Variants in MON2 observed in about 807,000 individuals in gnomAD.
The protein encoded by MON2 is protein MON2 homolog.
MON2 carries 84 observed loss-of-function variants against 208.6 expected under a neutral mutation model. The observed-to-expected ratio is 0.40, with a 90% CI of 0.34 to 0.48. MON2 has a LOEUF of 0.48. MON2 is among the 20% of genes least tolerant of loss of function. The pLI, the probability that MON2 is intolerant of heterozygous loss-of-function variation, is 0.59. For synonymous variants in MON2, 660 were observed against 694.0 expected (o/e 0.95, Z 0.77); for missense variants, 1,611 against 2,015.4 (o/e 0.80, Z 3.84).
chr12:62,585,091 ACACACACACACACACAC>A (rs2075159563), intron 32 of MON2, among the ~76,000 whole-genome samples, 186 bp from the exon 33 acceptor site: 4 of 114,034 alleles, frequency 3.5e-5, no homozygotes, highest in African/African-American at 1.5e-4. Context: ...ACACACACAC[ACACACACACACACACAC>A]ACAAAACAAA....
At chr12:62,524,385 A>T (rs1033004400) in intron 8 of MON2, 130 bp from the exon 9 acceptor site, 5 of 667,398 alleles carry the variant, frequency 7.5e-6, no homozygotes, top group Non-Finnish European at 1.3e-5. Context: ...TCCACTCCCC[A>T]TTAAGAGTTT....
chr12:62,538,261 A>G lies in MON2; in HGVS notation c.2209A>G (p.Thr737Ala), dbSNP rs761897903. The G allele has an allele frequency of 1.9e-6, 3 of 1,613,482 alleles. No homozygotes were observed. Among genetic ancestry groups the G allele is most frequent in the East Asian group, 4.5e-5 (2 of 44,848 alleles). The change falls in exon 18 of 35, where the codon ACA becomes GCA. Residue 737 changes from threonine (T) to alanine (A), a missense_variant. Thr to Ala is a moderately conservative substitution (Grantham distance 58, BLOSUM62 0). Coordinates refer to ENST00000393630, the MANE Select transcript of MON2 (RefSeq NM_015026.3). ...ATTTTATTCTTCTCAGGTTCTAACA[A>G]CAGCAGTGATGACAGATTTACCAGT... Reference protein sequence around the residue: ...AVEGPSTVLTTAVMTDLPVIS... With the variant: ...AVEGPSTVLTAAVMTDLPVIS...
chr12:62,487,509 A>G (rs2069873136), intron 2 of MON2, among the ~76,000 whole-genome samples: 1 of 152,028 alleles, frequency 6.6e-6, no homozygotes, highest in Non-Finnish European at 1.5e-5. Context: ...TTACATAAAT[A>G]ATCAGTAGTT....
chr12:62,544,733 G>A (rs1156753901), intron 20 of MON2, 165 bp from the exon 21 acceptor site: 1 of 1,512,600 alleles, frequency 6.6e-7, no homozygotes, highest in South Asian at 1.2e-5. Flanking sequence ...TTTTTCTTCT[G>A]TCTCTCTATT....
chr12:62,600,046 C>T lies in MON2; in HGVS notation c.*7297C>T, dbSNP rs2075594422. ...AGTCTGGGGCCAGGCTTCTTAGATG[C>T]AAATCCCAACTCTGTTATTTTACTA... is the stretch of plus-strand genomic sequence containing the variant. On this transcript the variant is annotated 3_prime_UTR_variant, in exon 35 of 35. Transcript: ENST00000393630. 1 of 152,178 alleles carries T rather than the reference C, an allele frequency of 6.6e-6. No homozygotes were observed. The highest frequency in any genetic ancestry group is 2.1e-4 in the South Asian group (1 of 4,826). The allele number at this position is 152,178 out of a possible 1,614,324, so 9.4% of individuals were successfully genotyped here.
Position 62,537,235 on chromosome 12 carries a change from T to A in MON2, c.1985T>A (p.Leu662Ter). ...HQQVVAVGQPLAVQPQGTVML... is the reference protein window; with the variant it reads ...HQQVVAVGQP ...CAAGTTGTGGCAGTGGGTCAACCTT[T>A]AGCAGTCCAGCCTCAAGGGACAGTA... Residue 662 changes from leucine (L) to a stop codon, truncating the protein, a stop_gained, in exon 15 of 35, where the codon TTA becomes TAA. Transcript: ENST00000393630. LOFTEE classifies it high-confidence loss of function. 1.2e-6 allele frequency: 2 copies of A among 1,611,768 alleles called. No individual in the cohort carries two copies. The highest frequency in any genetic ancestry group is 1.7e-6 in the Non-Finnish European group (2 of 1,178,042).
intron 34 of MON2, among the ~76,000 whole-genome samples, chr12:62,591,240 G>T (rs1490217915): frequency 2.0e-5 from 3 of 152,180 alleles, no homozygotes; most frequent in Non-Finnish European, 4.4e-5. Context: ...AATGAAATGT[G>T]ATGTGAATTC....
At chr12:62,500,283 T>C (rs2070758300) in intron 5 of MON2, among the ~76,000 whole-genome samples, 1 of 152,196 alleles carries the variant, frequency 6.6e-6, no homozygotes, top group African/African-American at 2.4e-5. Flanking sequence ...TTACTAGTAG[T>C]TAAAGAAATG....
intron 29 of MON2, among the ~76,000 whole-genome samples, chr12:62,568,163 A>C (rs1016890540): frequency 6.6e-6 from 1 of 152,206 alleles, no homozygotes; most frequent in Non-Finnish European, 1.5e-5. Flanking sequence ...TATTATAGGT[A>C]AATTAAGCCG....
At chr12:62,577,852 C>T (rs2074848988) in intron 30 of MON2, among the ~76,000 whole-genome samples, 1 of 152,078 alleles carries the variant, frequency 6.6e-6, no homozygotes, top group South Asian at 2.1e-4. Context: ...TTACTGTTCA[C>T]TCTTATGAGC....
At chr12:62,500,762 C>T in intron 5 of MON2, 21 bp from the exon 6 acceptor site, 1 of 1,313,144 alleles carries the variant, frequency 7.6e-7, no homozygotes, top group Non-Finnish European at 1.1e-6. Flanking sequence ...ACTCCTAAAA[C>T]CCATCCTGTT....
At chr12:62,492,419 C>T (rs1471028188) in intron 2 of MON2, among the ~76,000 whole-genome samples, 9 of 134,604 alleles carry the variant, frequency 6.7e-5, no homozygotes, top group Non-Finnish European at 1.1e-4. Context: ...GGCCGGACTG[C>T]GGACTGCGGT....
rs71450586 is a variant in MON2, at chr12:62,504,245, C to CTTT, written c.789+2562_789+2564dup. ...TTTACAGATTTTTTTCTTTTCTTTT[C>CTTT]TTTTTTTTTTTTTTTTTGAGACAGC... is the stretch of plus-strand genomic sequence containing the variant. On this transcript the variant is annotated intron_variant, in intron 7 of 34. Transcript: ENST00000393630. 2.1e-3 allele frequency among the ~76,000 whole-genome samples: 244 copies of CTTT among 118,598 alleles called. 1 individual carries two copies. Among genetic ancestry groups the CTTT allele is most frequent in the Middle Eastern group, 8.8e-3 (2 of 228 alleles). 77.8% of individuals were successfully genotyped at this position (118,598 alleles called of 152,430 possible). A position where few individuals can be genotyped will look rare whatever the true frequency, so the allele number is the denominator to read the frequency against.
At chr12:62,476,841 C>T (rs1289657457) in intron 1 of MON2, among the ~76,000 whole-genome samples, 6 of 151,992 alleles carry the variant, frequency 3.9e-5, no homozygotes, top group Non-Finnish European at 7.4e-5. Flanking sequence ...TCATAGAAGT[C>T]GTGAAAAACA....
At chr12:62,474,133 T>C (rs1256864137) in intron 1 of MON2, among the ~76,000 whole-genome samples, 2 of 151,204 alleles carry the variant, frequency 1.3e-5, no homozygotes, top group Non-Finnish European at 3.0e-5. Context: ...TTTTTTTTTT[T>C]CTGAGACAAA....
intron 11 of MON2, among the ~76,000 whole-genome samples, chr12:62,530,739 T>C (rs2072596147): frequency 6.6e-6 from 1 of 152,234 alleles, no homozygotes. Context: ...TCATTTCTGT[T>C]GGGTATACAA....
Position 62,560,877 on chromosome 12 carries a change from T to G in MON2, c.3796T>G (p.Phe1266Val). Residue 1266 changes from phenylalanine (F) to valine (V), a missense_variant, in exon 26 of 35, where the codon TTT becomes GTT. Coordinates refer to ENST00000393630, the MANE Select transcript of MON2 (RefSeq NM_015026.3). ...KPPITFDKLT[F>V]IPSQPFLTAL... ...TCCTATTACTTTTGATAAACTAACTTTTATTCCTAGCCAGCCTTTTCTTAC... is the reference window on the plus strand; with the variant it reads ...TCCTATTACTTTTGATAAACTAACTGTTATTCCTAGCCAGCCTTTTCTTAC... The G allele has an allele frequency of 6.2e-7, 1 of 1,614,062 alleles. No homozygotes were observed.
intron 7 of MON2, among the ~76,000 whole-genome samples, chr12:62,506,698 C>G (rs2071118022): frequency 1.3e-5 from 2 of 150,220 alleles, no homozygotes; most frequent in Admixed American, 1.3e-4. Context: ...TGCACTCCAG[C>G]CTGGGTAACA....
At position 62,467,131 on chromosome 12, in the gene MON2, T is replaced by C; in HGVS notation, c.-77T>C. On this transcript the variant is annotated 5_prime_UTR_variant, in exon 1 of 35. Transcript: ENST00000393630. Reference sequence around the variant, plus strand: ...AGGACCAGAGACACCGGGAGGGAGCTGCCTGTGGCCCTAAGGAGCTGACCG... The same window carrying C: ...AGGACCAGAGACACCGGGAGGGAGCCGCCTGTGGCCCTAAGGAGCTGACCG... 1 of 1,199,302 alleles carries C rather than the reference T, an allele frequency of 8.3e-7. No individual in the cohort carries two copies. Among genetic ancestry groups the C allele is most frequent in the Middle Eastern group, 2.8e-4 (1 of 3,542 alleles). The allele number at this position is 1,199,302 out of a possible 1,614,324, so 74.3% of individuals were successfully genotyped here.
Sources: allele counts gnomAD v4.1 joint callset (sites outside exome capture counted in the v4.1 genomes callset), GRCh38; gene constraint gnomAD v4.1.1; transcripts MANE v1.5; gene names NCBI Gene and HGNC (gene_info 2026-07-23, HGNC 2026-07-21).